BRINP2: variants seen among roughly 807,000 people sequenced by gnomAD.
BRINP2 encodes the protein BMP/retinoic acid-inducible neural-specific protein 2.
BRINP2 carries 21 observed loss-of-function variants against 69.2 expected under a neutral mutation model. The observed-to-expected ratio is 0.30, with a 90% CI of 0.22 to 0.44. The LOEUF (loss-of-function observed/expected upper bound fraction) is 0.44. BRINP2 is among the 20% of genes least tolerant of loss of function. The pLI is 1.00. For missense variants in BRINP2, 877 were observed against 986.0 expected, an observed-to-expected ratio of 0.89 and a Z score of 1.48; for synonymous variants, 380 against 394.1, an observed-to-expected ratio of 0.96 and a Z score of 0.42.
rs143625564 is a variant in BRINP2, at chr1:177,222,707, A to C, written c.-76-7094A>C. 5.3e-3 allele frequency among the ~76,000 whole-genome samples: 812 copies of C among 152,188 alleles called. 7 individuals are homozygous for C. The highest frequency in any genetic ancestry group is 0.019 in the African/African-American group (785 of 41,534). ...TATTATTGTTATCTTAAAAAAAAAAAAAGAAAAAGAAAAAAACAAACAAAA... is the reference window on the plus strand; with the variant it reads ...TATTATTGTTATCTTAAAAAAAAAACAAGAAAAAGAAAAAAACAAACAAAA... On this transcript the variant is annotated intron_variant, in intron 1 of 7. Coordinates refer to ENST00000361539, the MANE Select transcript of BRINP2 (RefSeq NM_021165.4).
intron 1 of BRINP2, among the ~76,000 whole-genome samples, chr1:177,223,394 A>G (rs1233944236): frequency 1.3e-5 from 2 of 152,122 alleles, no homozygotes; most frequent in Non-Finnish European, 2.9e-5. Context: ...CCTAAGTCCT[A>G]TGTTTTGTTC....
At chr1:177,226,519 G>A (rs1649697539) in intron 1 of BRINP2, among the ~76,000 whole-genome samples, 1 of 152,170 alleles carries the variant, frequency 6.6e-6, no homozygotes, top group Admixed American at 6.5e-5. Context: ...AGAGCCTACA[G>A]TTATCTTTTA....
intron 1 of BRINP2, among the ~76,000 whole-genome samples, chr1:177,192,304 G>A (rs375733172): frequency 6.6e-6 from 1 of 152,134 alleles, no homozygotes; most frequent in Admixed American, 6.5e-5. Context: ...AGAGACCCGG[G>A]TTTTTTAGTT....
Position 177,195,270 on chromosome 1 carries a change from T to C in BRINP2, c.-77+23538T>C, listed in dbSNP as rs1648707755. ...TTTGGAGGCACTTCCAAAAATATTA[T>C]TGGGCCATTGCCATATCCCTGTAAT... is the stretch of plus-strand genomic sequence containing the variant. On this transcript the variant is annotated intron_variant, in intron 1 of 7. Transcript: ENST00000361539. Among the ~76,000 whole-genome samples, 3 of 152,162 alleles carry C rather than the reference T, an allele frequency of 2.0e-5. 1 individual carries two copies. The highest frequency in any genetic ancestry group is 2.9e-5 in the Non-Finnish European group (2 of 68,034).
chr1:177,273,192 G>A (rs1311612924), intron 4 of BRINP2, among the ~76,000 whole-genome samples: 2 of 152,090 alleles, frequency 1.3e-5, no homozygotes, highest in African/African-American at 4.8e-5. Context: ...AGAGCTTAAG[G>A]TTTCACTCCT....
chr1:177,174,665 T>G (rs1042982911), intron 1 of BRINP2, among the ~76,000 whole-genome samples: 1 of 152,218 alleles, frequency 6.6e-6, no homozygotes, highest in African/African-American at 2.4e-5. Context: ...ACAGAAATAA[T>G]AACTGCAGCA....
intron 2 of BRINP2, among the ~76,000 whole-genome samples, chr1:177,250,975 T>C (rs1055003576): frequency 3.3e-5 from 5 of 152,242 alleles, no homozygotes; most frequent in African/African-American, 1.2e-4. Flanking sequence ...TATTAACTAA[T>C]CCTTGTAAGA....
intron 2 of BRINP2, among the ~76,000 whole-genome samples, chr1:177,250,190 C>A (rs1650535900): frequency 6.6e-6 from 1 of 152,242 alleles, no homozygotes; most frequent in African/African-American, 2.4e-5. Context: ...GGACTACAGG[C>A]ACTAGCCACC....
At chr1:177,222,291 C>G (rs927831469) in intron 1 of BRINP2, among the ~76,000 whole-genome samples, 3 of 152,136 alleles carry the variant, frequency 2.0e-5, no homozygotes, top group Non-Finnish European at 2.9e-5. Flanking sequence ...CAGCACTCAC[C>G]ATGGGCCAGA....
Position 177,239,804 on chromosome 1 carries a change from C to A in BRINP2, c.269+9659C>A, listed in dbSNP as rs185486170. Among the ~76,000 whole-genome samples, 3 of 152,298 alleles carry A rather than the reference C, an allele frequency of 2.0e-5. No homozygotes were observed. In the East Asian group the frequency reaches 5.8e-4, roughly 29 times the overall value. ...TATATTTTAAGATTTCTAGGTATAG[C>A]TGTGCACAGATTAGGGCTGTTATAT... On this transcript the variant is annotated intron_variant, in intron 2 of 7. Coordinates refer to ENST00000361539, the MANE Select transcript of BRINP2 (RefSeq NM_021165.4).
intron 2 of BRINP2, among the ~76,000 whole-genome samples, chr1:177,242,333 C>CTTGAA (rs1386207518): frequency 6.6e-6 from 1 of 152,212 alleles, no homozygotes; most frequent in Non-Finnish European, 1.5e-5. Flanking sequence ...CAAATCCATT[C>CTTGAA]ATTCACTATT....
Position 177,249,732 on chromosome 1 carries a change from A to G in BRINP2, c.270-6187A>G, listed in dbSNP as rs570593648. 7.2e-5 allele frequency among the ~76,000 whole-genome samples: 11 copies of G among 152,372 alleles called. 1 individual carries two copies. The South Asian group carries it at 2.3e-3, about 32-fold the overall frequency. ...TACTGGGGGGAAAAGCTGCTAAATG[A>G]AAAATCAGAAATGAACATTTCTTCT... On this transcript the variant is annotated intron_variant, in intron 2 of 7. Transcript: ENST00000361539.
intron 1 of BRINP2, among the ~76,000 whole-genome samples, chr1:177,211,335 AAAT>A (rs1301857572): frequency 6.6e-6 from 1 of 152,134 alleles, no homozygotes; most frequent in Non-Finnish European, 1.5e-5. Flanking sequence ...GCAAGACTAT[AAAT>A]AACTCTCATG....
chr1:177,215,543 G>GTTCATCAAT (rs1467082530), intron 1 of BRINP2, among the ~76,000 whole-genome samples: 1 of 152,050 alleles, frequency 6.6e-6, no homozygotes, highest in Non-Finnish European at 1.5e-5. Context: ...GTTGATTTGT[G>GTTCATCAAT]TCCTGAAACT....
At chr1:177,216,937 G>A (rs1571904176) in intron 1 of BRINP2, among the ~76,000 whole-genome samples, 1 of 151,532 alleles carries the variant, frequency 6.6e-6, no homozygotes, top group South Asian at 2.1e-4. Flanking sequence ...TTTGTTCTTT[G>A]TATTTAATTT....
intron 2 of BRINP2, among the ~76,000 whole-genome samples, chr1:177,240,409 G>A (rs1650162030): frequency 6.6e-6 from 1 of 152,024 alleles, no homozygotes; most frequent in South Asian, 2.1e-4. Context: ...CTGCATACAT[G>A]GATTGGAATA....
chr1:177,190,199 G>A (rs1055118495), intron 1 of BRINP2, among the ~76,000 whole-genome samples: 5 of 152,148 alleles, frequency 3.3e-5, no homozygotes, highest in African/African-American at 1.2e-4. Context: ...CCCTCCATAA[G>A]TCTCTCCAGA....
chr1:177,234,411 C>A (rs970090951), intron 2 of BRINP2, among the ~76,000 whole-genome samples: 2 of 152,178 alleles, frequency 1.3e-5, no homozygotes, highest in African/African-American at 4.8e-5. Flanking sequence ...CTAAATTGAG[C>A]TGATGCAAAT....
At position 177,280,930 on chromosome 1, in the gene BRINP2, T is replaced by C. The variant is rs779310557; in HGVS notation, c.1754T>C (p.Val585Ala). 6 of 1,614,146 alleles carry C rather than the reference T, an allele frequency of 3.7e-6. No homozygotes were observed. The African/African-American group carries it at 5.3e-5, about 14-fold the overall frequency. The change falls in exon 8 of 8, where the codon GTC (valine) becomes GCC (alanine). Residue 585 changes from valine (V) to alanine (A), a missense_variant. Physicochemically the swap from Val to Ala is moderately conservative, Grantham distance 64. Around this residue, in one of 3 missense-constraint regions of BRINP2, gnomAD observed 86 missense variants for 142.1 expected, o/e 0.61. Transcript: ENST00000361539. ...CLTKNSTLEPVMAIYVNPFGG... is the reference protein window; with the variant it reads ...CLTKNSTLEPAMAIYVNPFGG... ...ACCAAGAACAGCACCCTGGAGCCTG[T>C]CATGGCCATCTACGTCAACCCCTTT...
Sources: allele counts gnomAD v4.1 joint callset (sites outside exome capture counted in the v4.1 genomes callset), GRCh38; gene constraint gnomAD v4.1.1; regional missense constraint gnomAD v4.1.1; transcripts MANE v1.5; gene names NCBI Gene and HGNC (gene_info 2026-07-23, HGNC 2026-07-21).